Variants in DMD observed in about 807,000 individuals in gnomAD.
DMD encodes the protein mutant dystrophin.
Under a neutral mutation model 330.1 loss-of-function variants are expected in DMD, and 63 were observed. That is an observed-to-expected ratio of 0.19 (90% CI 0.16 to 0.24). The LOEUF (loss-of-function observed/expected upper bound fraction) is 0.24. Ranked by LOEUF, DMD falls within the 10% of genes least tolerant of loss-of-function variation. The pLI is 1.00. For synonymous variants in DMD, 1,223 were observed against 959.8 expected (o/e 1.27, Z -5.07); for missense variants, 3,344 against 2,684.1 (o/e 1.25, Z -5.43).
At chrX:32,243,694 C>T (rs2097218186) in intron 43 of DMD, among the ~76,000 whole-genome samples, 1 of 111,170 alleles carries the variant, frequency 9.0e-6, no homozygotes, top group African/African-American at 3.3e-5. Flanking sequence ...ATGTAAGTTA[C>T]CATAATTTAA....
intron 7 of DMD, among the ~76,000 whole-genome samples, chrX:32,793,334 G>A (rs1182078864): frequency 9.0e-6 from 1 of 110,628 alleles, no homozygotes; most frequent in East Asian, 2.9e-4. Context: ...CATCAAAAAT[G>A]TTGAAATATT....
intron 9 of DMD, among the ~76,000 whole-genome samples, chrX:32,646,503 C>G (rs890330712): frequency 5.4e-5 from 6 of 111,106 alleles, no homozygotes; most frequent in African/African-American, 1.6e-4. Context: ...CCCTAACAAA[C>G]AGGGTTTTGT....
At chrX:32,835,031 C>CT (rs1200053904) in intron 4 of DMD, among the ~76,000 whole-genome samples, 1 of 111,201 alleles carries the variant, frequency 9.0e-6, no homozygotes, top group Non-Finnish European at 1.9e-5. Flanking sequence ...TTCTAAGTTC[C>CT]TTTACCAGAC....
chrX:32,277,098 T>C (rs766255897), intron 43 of DMD, among the ~76,000 whole-genome samples: 1 of 111,583 alleles, frequency 9.0e-6, no homozygotes, highest in Non-Finnish European at 1.9e-5. Flanking sequence ...GAAAAAGATA[T>C]TCCATGCCAA....
rs148581064 is a variant in DMD, at chrX:32,422,443, A to T, written c.4072-10530T>A. 5.4e-5 allele frequency among the ~76,000 whole-genome samples: 6 copies of T among 111,870 alleles called. No homozygotes were observed. The South Asian group carries it at 2.2e-3, about 41-fold the overall frequency. ...AGGTCTATGAAGACCGAAGTTAGAA[A>T]GAAAAGATGTCTTAAATAACAACAA... On this transcript the variant is annotated intron_variant, in intron 29 of 78. Transcript: ENST00000357033.
chrX:32,784,246 C>T (rs991714337), intron 7 of DMD, among the ~76,000 whole-genome samples: 1 of 111,469 alleles, frequency 9.0e-6, no homozygotes, highest in Non-Finnish European at 1.9e-5. Flanking sequence ...AGGTTAAGAA[C>T]CCGAGGTGTA....
At chrX:33,103,807 G>T (rs1457597809) in intron 1 of DMD, among the ~76,000 whole-genome samples, 2 of 111,521 alleles carry the variant, frequency 1.8e-5, no homozygotes, top group Non-Finnish European at 3.8e-5. Context: ...GAAATGTATG[G>T]AATCACTAAA....
At chrX:32,413,559 T>G (rs1227106606) in intron 29 of DMD, among the ~76,000 whole-genome samples, 1 of 110,034 alleles carries the variant, frequency 9.1e-6, no homozygotes, top group East Asian at 2.8e-4. Flanking sequence ...ATATCTTACC[T>G]CAAATATGCT....
chrX:32,883,823 C>CAAAAAAAAAAAAAA (rs56150142), intron 2 of DMD, among the ~76,000 whole-genome samples: 1 of 30,339 alleles, frequency 3.3e-5, no homozygotes, highest in African/African-American at 1.4e-4. Context: ...GACTCTGTTT[C>CAAAAAAAAAAAAAA]AAAAAAAAAA....
rs765951295 is a variant in DMD, at chrX:31,163,340, G to A, written c.10553+6103C>T. 2.0e-4 allele frequency among the ~76,000 whole-genome samples: 22 copies of A among 111,547 alleles called. 1 individual carries two copies. Among genetic ancestry groups the A allele is most frequent in the Admixed American group, 3.8e-4 (4 of 10,557 alleles). On this transcript the variant is annotated intron_variant, in intron 74 of 78. Transcript: ENST00000357033. Reference sequence around the variant, plus strand: ...TGCACATGCTCTCTTGCCTGCCACCGTGTAAGACATGCCTTTCCTCCTCCT... The same window carrying A: ...TGCACATGCTCTCTTGCCTGCCACCATGTAAGACATGCCTTTCCTCCTCCT...
chrX:32,493,647 A>G (rs748808829), intron 19 of DMD, among the ~76,000 whole-genome samples: 1 of 112,114 alleles, frequency 8.9e-6, no homozygotes, highest in Non-Finnish European at 1.9e-5. Context: ...GTAAGAGAAG[A>G]ATATGAAACT....
intron 30 of DMD, among the ~76,000 whole-genome samples, chrX:32,405,418 T>C (rs978132834): frequency 1.2e-4 from 14 of 112,344 alleles, no homozygotes; most frequent in East Asian, 5.6e-4. Context: ...CATAGGTTGT[T>C]ACATTTTTAA....
chrX:31,243,519 C>T (rs779620558), intron 63 of DMD, among the ~76,000 whole-genome samples: 44 of 112,124 alleles, frequency 3.9e-4, no homozygotes, highest in African/African-American at 1.4e-3. Flanking sequence ...TGGTTAACTT[C>T]GTTTTGTTTT....
At chrX:31,261,268 C>T (rs984281908) in intron 62 of DMD, 26 of 353,063 alleles carry the variant, frequency 7.4e-5, no homozygotes, top group Non-Finnish European at 1.1e-4. Flanking sequence ...CTTCTTTGCA[C>T]CCACAAATCG....
Position 31,881,540 on chromosome X carries a change from C to T in DMD, c.6913-6167G>A, listed in dbSNP as rs750264459. On this transcript the variant is annotated intron_variant, in intron 47 of 78. Transcript: ENST00000357033. ...ACTACCACTCACTCACCGACTCACC[C>T]AGAGCAACTTTGAGTCCTGCAAGCT... 3.6e-5 allele frequency among the ~76,000 whole-genome samples: 4 copies of T among 112,281 alleles called. No individual in the cohort carries two copies. In the East Asian group the frequency reaches 1.1e-3, roughly 31 times the overall value.
At chrX:31,974,409 T>C (rs957032519) in intron 44 of DMD, among the ~76,000 whole-genome samples, 3 of 111,129 alleles carry the variant, frequency 2.7e-5, no homozygotes, top group African/African-American at 9.8e-5. Flanking sequence ...GTACCCTCTG[T>C]ATATAAAATA....
chrX:31,747,894 G>A (rs1283748235), intron 51 of DMD, among the ~76,000 whole-genome samples: 1 of 112,062 alleles, frequency 8.9e-6, no homozygotes, highest in African/African-American at 3.2e-5. Flanking sequence ...TTAAAAATAA[G>A]CAGTAATCCC....
At chrX:31,554,851 G>C (rs2074708430) in intron 55 of DMD, among the ~76,000 whole-genome samples, 1 of 111,856 alleles carries the variant, frequency 8.9e-6, no homozygotes, top group African/African-American at 3.3e-5. Flanking sequence ...ATATGGCAAA[G>C]GGTAAGACAA....
In DMD at chrX:32,097,030, A is replaced by C. The variant is rs1603624994; in HGVS notation, c.6438+119886T>G. Among the ~76,000 whole-genome samples, 3 of 111,958 alleles carry C rather than the reference A, an allele frequency of 2.7e-5. No individual in the cohort carries two copies. In the South Asian group the frequency reaches 1.1e-3, roughly 42 times the overall value. ...TTCAAGAGTAGTCTACTTAGAAATA[A>C]TCATTTAACCCCCATTAATGAACAT... On this transcript the variant is annotated intron_variant, in intron 44 of 78. Transcript: ENST00000357033.
Sources: gnomAD v4.1 joint callset for allele counts (sites outside exome capture counted in the v4.1 genomes callset) on GRCh38, gnomAD v4.1.1 for gene constraint, MANE v1.5 for transcripts, NCBI Gene and HGNC (gene_info 2026-07-23, HGNC 2026-07-21) for gene names.